Variants in SLN observed in about 807,000 individuals in gnomAD.
SLN encodes the protein sarcolipin.
For missense variants in SLN, 34 were observed against 37.4 expected (o/e 0.91, Z 0.24); for synonymous variants, 19 against 14.4 (o/e 1.32, Z -0.72).
At chr11:107,711,119 G>A (rs573143457) in intron 1 of SLN, among the ~76,000 whole-genome samples, 3 of 152,166 alleles carry the variant, frequency 2.0e-5, no homozygotes, top group Non-Finnish European at 2.9e-5. Context: ...CAGAATGGGG[G>A]TTGATCAAGA....
At position 107,707,974 on chromosome 11, in the gene SLN, C is replaced by CCCTCAGAA; in HGVS notation, c.-45_-44insTTCTGAGG. 1 of 1,405,872 alleles carries CCCTCAGAA rather than the reference C, an allele frequency of 7.1e-7. No individual in the cohort carries two copies. Among genetic ancestry groups the CCCTCAGAA allele is most frequent in the Non-Finnish European group, 1.0e-6 (1 of 989,698 alleles). 87.1% of individuals were successfully genotyped at this position (1,405,872 alleles called of 1,614,324 possible). A position where few individuals can be genotyped will look rare whatever the true frequency, so the allele number is the denominator to read the frequency against. ...AGAACTGCAGGCAGATTTCTGAGGG[C>CCCTCAGAA]ACACCAAGGACCTCTGGCTTCTCCT... On this transcript the variant is annotated 5_prime_UTR_variant, in exon 2 of 2. Transcript: ENST00000305991.
chr11:107,709,030 A>G (rs1001855909), intron 1 of SLN, among the ~76,000 whole-genome samples: 2 of 152,208 alleles, frequency 1.3e-5, no homozygotes, highest in South Asian at 4.1e-4. Flanking sequence ...TGTTAACTTC[A>G]TGGGTACTTC....
rs1044906447 is a variant in SLN, at chr11:107,707,618, G to T, written c.*217C>A. On this transcript the variant is annotated 3_prime_UTR_variant, in exon 2 of 2. Transcript: ENST00000305991. Reference sequence around the variant, plus strand: ...TTAAGAGTTGGGGAATAAATCTACCGTTCCCTGGCAAACACTTGGCAGCCC... The same window carrying T: ...TTAAGAGTTGGGGAATAAATCTACCTTTCCCTGGCAAACACTTGGCAGCCC... 32 of 494,650 alleles carry T rather than the reference G, an allele frequency of 6.5e-5. No homozygotes were observed. The highest frequency in any genetic ancestry group is 3.5e-5 in the Admixed American group (1 of 28,702). The allele number at this position is 494,650 out of a possible 1,614,324, so 30.6% of individuals were successfully genotyped here.
At chr11:107,710,004 G>A (rs1423446820) in intron 1 of SLN, among the ~76,000 whole-genome samples, 1 of 152,190 alleles carries the variant, frequency 6.6e-6, no homozygotes, top group African/African-American at 2.4e-5. Context: ...AGATTTGCAT[G>A]GAGGAGAAAG....
In SLN at chr11:107,707,592, G is replaced by A. The variant is rs928209014; in HGVS notation, c.*243C>T. ...TTGTGGCTTGTCTAACACATTTTCA[G>A]TTAAGAGTTGGGGAATAAATCTACC... On this transcript the variant is annotated 3_prime_UTR_variant, in exon 2 of 2. Coordinates refer to ENST00000305991, the MANE Select transcript of SLN (RefSeq NM_003063.3). The A allele has an allele frequency of 2.2e-5, 10 of 453,860 alleles. No individual in the cohort carries two copies. The highest frequency in any genetic ancestry group is 3.1e-5 in the Non-Finnish European group (8 of 254,240). The allele number at this position is 453,860 out of a possible 1,614,324, so 28.1% of individuals were successfully genotyped here.
intron 1 of SLN, among the ~76,000 whole-genome samples, chr11:107,711,236 A>G (rs1867206734): frequency 6.7e-6 from 1 of 150,174 alleles, no homozygotes; most frequent in Non-Finnish European, 1.5e-5. Flanking sequence ...TGCACTCTTA[A>G]CTTTTTTTTT....
chr11:107,711,933 G>C (rs528489332), intron 1 of SLN, 30 bp downstream of exon 1: 1 of 151,782 alleles, frequency 6.6e-6, no homozygotes, highest in Non-Finnish European at 1.5e-5. Context: ...CACACACACC[G>C]TATGCTAAGC....
Position 107,708,548 on chromosome 11 carries a change from A to G in SLN, c.-75-543T>C, listed in dbSNP as rs576128569. Among the ~76,000 whole-genome samples the G allele has an allele frequency of 1.5e-4, 23 of 152,168 alleles. No homozygotes were observed. The South Asian group carries it at 3.5e-3, about 23-fold the overall frequency. On this transcript the variant is annotated intron_variant, in intron 1 of 1. Coordinates refer to ENST00000305991, the MANE Select transcript of SLN (RefSeq NM_003063.3). ...GACACCAATCCCCTCAACACAACAC[A>G]TTCTATTAGTTATGTTTCTCTGAAG...
intron 1 of SLN, among the ~76,000 whole-genome samples, chr11:107,708,812 G>T (rs1260154385): frequency 6.6e-6 from 1 of 152,190 alleles, no homozygotes; most frequent in East Asian, 1.9e-4. Context: ...TTATGGTTTA[G>T]TATTGTTCTT....
chr11:107,707,968 T>A lies in SLN; in HGVS notation c.-38A>T. 3 of 1,473,128 alleles carry A rather than the reference T, an allele frequency of 2.0e-6. No individual in the cohort carries two copies. The highest frequency in any genetic ancestry group is 2.9e-6 in the Non-Finnish European group (3 of 1,051,214). The allele number at this position is 1,473,128 out of a possible 1,614,324, so 91.3% of individuals were successfully genotyped here. ...TTGGTGAGAACTGCAGGCAGATTTC[T>A]GAGGGCACACCAAGGACCTCTGGCT... is the stretch of plus-strand genomic sequence containing the variant. On this transcript the variant is annotated 5_prime_UTR_variant, in exon 2 of 2. Transcript: ENST00000305991.
Position 107,708,065 on chromosome 11 carries a change from C to T in SLN, c.-75-60G>A, listed in dbSNP as rs189286441. 7.2e-5 allele frequency: 48 copies of T among 669,320 alleles called. No homozygotes were observed. In the East Asian group the frequency reaches 1.2e-3, roughly 17 times the overall value. 41.5% of individuals were successfully genotyped at this position (669,320 alleles called of 1,614,324 possible). On this transcript the variant is annotated intron_variant, in intron 1 of 1. Coordinates refer to ENST00000305991, the MANE Select transcript of SLN (RefSeq NM_003063.3). Reference sequence around the variant, plus strand: ...TAATGGGCATTCCTGTATAACAATGCTCGTTCTTTCCTCAAAGGAAACAGA... The same window carrying T: ...TAATGGGCATTCCTGTATAACAATGTTCGTTCTTTCCTCAAAGGAAACAGA...
chr11:107,707,758 A>T lies in SLN; in HGVS notation c.*77T>A. 1 of 1,021,576 alleles carries T rather than the reference A, an allele frequency of 9.8e-7. No homozygotes were observed. The highest frequency in any genetic ancestry group is 1.7e-5 in the Admixed American group (1 of 57,148). The allele number at this position is 1,021,576 out of a possible 1,614,324, so 63.3% of individuals were successfully genotyped here. A position where few individuals can be genotyped will look rare whatever the true frequency, so the allele number is the denominator to read the frequency against. On this transcript the variant is annotated 3_prime_UTR_variant, in exon 2 of 2. Transcript: ENST00000305991. ...TGGAGAATGGCATCCTGTGACAATGACAGCAGTGGGGTCTCAGGGCATAGA... is the reference window on the plus strand; with the variant it reads ...TGGAGAATGGCATCCTGTGACAATGTCAGCAGTGGGGTCTCAGGGCATAGA...
Position 107,707,679 on chromosome 11 carries a change from C to T in SLN, c.*156G>A. 3.4e-6 allele frequency: 2 copies of T among 590,222 alleles called. No homozygotes were observed. The highest frequency in any genetic ancestry group is 3.7e-5 in the African/African-American group (2 of 54,186). The allele number at this position is 590,222 out of a possible 1,614,324, so 36.6% of individuals were successfully genotyped here. A position where few individuals can be genotyped will look rare whatever the true frequency, so the allele number is the denominator to read the frequency against. ...CATCTTTGGAGAACACATAATCAAT[C>T]CTAGCACTACAGCATAGCAGATATT... On this transcript the variant is annotated 3_prime_UTR_variant, in exon 2 of 2. Transcript: ENST00000305991.
rs376678371 is a variant in SLN at position 107,707,939 on chromosome 11, C to T, written c.-9G>A. ...CGGGTGTTTATCCCCATTTTCACAG[C>T]GGCTTGGTGAGAACTGCAGGCAGAT... On this transcript the variant is annotated 5_prime_UTR_variant, in exon 2 of 2. Coordinates refer to ENST00000305991, the MANE Select transcript of SLN (RefSeq NM_003063.3). 143 of 1,610,762 alleles carry T rather than the reference C, an allele frequency of 8.9e-5. 1 individual carries two copies. Among genetic ancestry groups the T allele is most frequent in the East Asian group, 6.2e-4 (28 of 44,838 alleles).
chr11:107,709,199 T>G (rs997805228), intron 1 of SLN, among the ~76,000 whole-genome samples: 5 of 152,242 alleles, frequency 3.3e-5, no homozygotes, highest in Non-Finnish European at 7.3e-5. Context: ...GTCATCAAAC[T>G]ATTGTCTTCA....
chr11:107,707,787 G>A lies in SLN; in HGVS notation c.*48C>T. 1 of 1,408,064 alleles carries A rather than the reference G, an allele frequency of 7.1e-7. No homozygotes were observed. Among genetic ancestry groups the A allele is most frequent in the Non-Finnish European group, 1.0e-6 (1 of 993,996 alleles). 87.2% of individuals were successfully genotyped at this position (1,408,064 alleles called of 1,614,324 possible). A position where few individuals can be genotyped will look rare whatever the true frequency, so the allele number is the denominator to read the frequency against. On this transcript the variant is annotated 3_prime_UTR_variant, in exon 2 of 2. Transcript: ENST00000305991. ...CAGTGGGGTCTCAGGGCATAGAGCAGGCAGCTCCGGAGCATCTCAGTCAAT... is the reference window on the plus strand; with the variant it reads ...CAGTGGGGTCTCAGGGCATAGAGCAAGCAGCTCCGGAGCATCTCAGTCAAT...
In SLN at chr11:107,707,903, G is replaced by A. The variant is rs1243737015; in HGVS notation, c.28C>T (p.Leu10Phe). The change falls in exon 2 of 2, where the codon CTC becomes TTC. Residue 10 changes from leucine (L) to phenylalanine (F), a missense_variant. Leu to Phe is a conservative substitution (Grantham distance 22). Transcript: ENST00000305991. ...GTAATCAAGACAATAGTGAAGTTGAGAAACAGCTCCCGGGTGTTTATCCCC... is the reference window on the plus strand; with the variant it reads ...GTAATCAAGACAATAGTGAAGTTGAAAAACAGCTCCCGGGTGTTTATCCCC... MGINTRELF[L>F]NFTIVLITVI... 6.2e-7 allele frequency: 1 copy of A among 1,613,908 alleles called. No homozygotes were observed. The highest frequency in any genetic ancestry group is 1.3e-5 in the African/African-American group (1 of 74,922).
At position 107,707,755 on chromosome 11, in the gene SLN, A is replaced by T; in HGVS notation, c.*80T>A. 2.0e-6 allele frequency: 2 copies of T among 1,000,200 alleles called. No homozygotes were observed. The highest frequency in any genetic ancestry group is 4.8e-5 in the East Asian group (2 of 42,002). 62.0% of individuals were successfully genotyped at this position (1,000,200 alleles called of 1,614,324 possible). On this transcript the variant is annotated 3_prime_UTR_variant, in exon 2 of 2. Transcript: ENST00000305991. Reference sequence around the variant, plus strand: ...GGATGGAGAATGGCATCCTGTGACAATGACAGCAGTGGGGTCTCAGGGCAT... The same window carrying T: ...GGATGGAGAATGGCATCCTGTGACATTGACAGCAGTGGGGTCTCAGGGCAT...
intron 1 of SLN, among the ~76,000 whole-genome samples, chr11:107,711,052 C>T (rs1429719797): frequency 6.6e-6 from 1 of 152,072 alleles, no homozygotes; most frequent in African/African-American, 2.4e-5. Flanking sequence ...GGCATGCAGA[C>T]ATAGATGGTC....
Sources: gnomAD v4.1 joint callset for allele counts (sites outside exome capture counted in the v4.1 genomes callset) on GRCh38, gnomAD v4.1.1 for gene constraint, MANE v1.5 for transcripts, NCBI Gene and HGNC (gene_info 2026-07-23, HGNC 2026-07-21) for gene names.